PPDPFL: variants seen among roughly 807,000 people sequenced by gnomAD.
PPDPFL encodes the protein pancreatic progenitor cell differentiation and proliferation factor like, also known as pancreatic progenitor cell differentiation and proliferation factor-like protein.
A neutral mutation model predicts 12.6 loss-of-function variants in PPDPFL; 12 were observed. That is an observed-to-expected ratio of 0.95 (90% CI 0.61 to 1.54). The LOEUF (loss-of-function observed/expected upper bound fraction) is 1.54. Among genes scored for constraint, PPDPFL ranks in the 40% most tolerant of loss-of-function variants. PPDPFL has a pLI of 0.00. For missense variants in PPDPFL, 114 were observed against 96.0 expected (o/e 1.19, Z -0.78); for synonymous variants, 24 against 32.7 (o/e 0.73, Z 0.91).
intron 1 of PPDPFL, among the ~76,000 whole-genome samples, chr8:49,056,144 C>T (rs905585706): frequency 6.6e-6 from 1 of 152,186 alleles, no homozygotes; most frequent in Non-Finnish European, 1.5e-5. Context: ...CCTACTGCCT[C>T]TACAAGTAGG....
Position 49,075,430 on chromosome 8 carries a change from C to A in PPDPFL, c.*257C>A. 1 of 692,202 alleles carries A rather than the reference C, an allele frequency of 1.4e-6. No homozygotes were observed. The highest frequency in any genetic ancestry group is 2.5e-6 in the Non-Finnish European group (1 of 400,348). The allele number at this position is 692,202 out of a possible 1,614,324, so 42.9% of individuals were successfully genotyped here. ...AAAAAAGTTTAGGCATTTTTCTCAA[C>A]ACAAAGACTATCGCTGGAAGTGGCA... On this transcript the variant is annotated 3_prime_UTR_variant, in exon 5 of 5. Coordinates refer to ENST00000522267, the MANE Select transcript of PPDPFL (RefSeq NM_001256597.2).
At chr8:49,058,878 T>G (rs1391613634) in intron 1 of PPDPFL, among the ~76,000 whole-genome samples, 1 of 152,202 alleles carries the variant, frequency 6.6e-6, no homozygotes. Flanking sequence ...ATGCAAAGGT[T>G]CTTCTTTCTG....
intron 4 of PPDPFL, 67 bp from the exon 5 acceptor site, chr8:49,075,085 T>C (rs1808469221): frequency 7.0e-6 from 11 of 1,580,546 alleles, no homozygotes; most frequent in Non-Finnish European, 9.5e-6. Context: ...GTTTATTCAT[T>C]TGAATTATCT....
At chr8:49,071,899 T>G (rs1808397969), upstream of PPDPFL, among the ~76,000 whole-genome samples, 1 of 152,192 alleles carries the variant, frequency 6.6e-6, no homozygotes, top group African/African-American at 2.4e-5. Context: ...CCTAGAGTGC[T>G]TTCTTGCTCC....
rs758372292 is a variant in PPDPFL at position 49,072,789 on chromosome 8, T to G, written c.-42T>G. The G allele has an allele frequency of 2.0e-6, 3 of 1,518,996 alleles. No homozygotes were observed. Among genetic ancestry groups the G allele is most frequent in the Admixed American group, 2.1e-5 (1 of 47,604 alleles). The allele number at this position is 1,518,996 out of a possible 1,614,324, so 94.1% of individuals were successfully genotyped here. A position where few individuals can be genotyped will look rare whatever the true frequency, so the allele number is the denominator to read the frequency against. Reference sequence around the variant, plus strand: ...TCTTTTCTCTGTCGCTGTTTCAGATTAATGCTCACAGCTTCTTGGGTGCTT... The same window carrying G: ...TCTTTTCTCTGTCGCTGTTTCAGATGAATGCTCACAGCTTCTTGGGTGCTT... On this transcript the variant is annotated splice_region_variant and 5_prime_UTR_variant, in exon 2 of 5. The change creates a new upstream start codon in the 5' untranslated region. Transcript: ENST00000522267.
chr8:49,060,634 C>G (rs1436468910), intron 1 of PPDPFL, among the ~76,000 whole-genome samples: 1 of 151,826 alleles, frequency 6.6e-6, no homozygotes, highest in Non-Finnish European at 1.5e-5. Context: ...TTAATTCTGA[C>G]TAGGAAATTA....
At chr8:49,073,922 T>C in intron 2 of PPDPFL, 137 bp from the exon 3 acceptor site, 1 of 631,544 alleles carries the variant, frequency 1.6e-6, no homozygotes, top group Non-Finnish European at 2.8e-6. Context: ...ATTTGATCAG[T>C]TTTTCAATTC....
chr8:49,063,861 G>C (rs1435007523), intron 1 of PPDPFL, among the ~76,000 whole-genome samples: 1 of 152,184 alleles, frequency 6.6e-6, no homozygotes, highest in Non-Finnish European at 1.5e-5. Flanking sequence ...AGAAAATCAG[G>C]TGTCACAAGC....
rs1366253726 is a variant in PPDPFL at position 49,075,954 on chromosome 8, C to A, written c.*781C>A. The A allele has an allele frequency of 6.6e-6, 1 of 152,140 alleles. No individual in the cohort carries two copies. Among genetic ancestry groups the A allele is most frequent in the Non-Finnish European group, 1.5e-5 (1 of 68,022 alleles). The allele number at this position is 152,140 out of a possible 1,614,324, so 9.4% of individuals were successfully genotyped here. A position where few individuals can be genotyped will look rare whatever the true frequency, so the allele number is the denominator to read the frequency against. On this transcript the variant is annotated 3_prime_UTR_variant, in exon 5 of 5. Coordinates refer to ENST00000522267, the MANE Select transcript of PPDPFL (RefSeq NM_001256597.2). Reference sequence around the variant, plus strand: ...GACTGGAAGGAACTGTACCAAAATGCTGACAGGGCTATTTCTGGAGATGGG... The same window carrying A: ...GACTGGAAGGAACTGTACCAAAATGATGACAGGGCTATTTCTGGAGATGGG...
chr8:49,074,856 T>G, intron 4 of PPDPFL: 1 of 1,400,364 alleles, frequency 7.1e-7, no homozygotes, highest in Non-Finnish European at 9.3e-7. Context: ...TTATTTTGGA[T>G]TTTAGACATT....
rs536798685 is a variant in PPDPFL, at chr8:49,074,721, A to G, written c.233+388A>G. On this transcript the variant is annotated intron_variant, in intron 4 of 4. Transcript: ENST00000522267. Reference sequence around the variant, plus strand: ...CCTTAGGATAACACTGCTGATTTTGATTAGCTTCTGTGTGGTGCAAATTAC... The same window carrying G: ...CCTTAGGATAACACTGCTGATTTTGGTTAGCTTCTGTGTGGTGCAAATTAC... 283 of 1,457,680 alleles carry G rather than the reference A, an allele frequency of 1.9e-4. 2 individuals are homozygous for G. The African/African-American group carries it at 3.8e-3, about 20-fold the overall frequency. 90.3% of individuals were successfully genotyped at this position (1,457,680 alleles called of 1,614,324 possible). A position where few individuals can be genotyped will look rare whatever the true frequency, so the allele number is the denominator to read the frequency against.
intron 1 of PPDPFL, among the ~76,000 whole-genome samples, chr8:49,061,516 T>C (rs929189516): frequency 6.6e-6 from 1 of 152,176 alleles, no homozygotes; most frequent in Non-Finnish European, 1.5e-5. Context: ...GAAATTGGAA[T>C]GGTGCGATGG....
At chr8:49,061,960 C>A (rs1295118323) in intron 1 of PPDPFL, among the ~76,000 whole-genome samples, 1 of 152,186 alleles carries the variant, frequency 6.6e-6, no homozygotes, top group Non-Finnish European at 1.5e-5. Context: ...TGGCCAACTC[C>A]TTCGTTTTAA....
At chr8:49,058,504 G>T (rs1256005671) in intron 1 of PPDPFL, among the ~76,000 whole-genome samples, 1 of 152,186 alleles carries the variant, frequency 6.6e-6, no homozygotes. Context: ...AATCAATCTT[G>T]CTGTGCATAT....
At chr8:49,071,987 C>G (rs1343218950), upstream of PPDPFL, among the ~76,000 whole-genome samples, 2 of 152,220 alleles carry the variant, frequency 1.3e-5, no homozygotes, top group Non-Finnish European at 2.9e-5. Flanking sequence ...AGATAGCAGG[C>G]TGCTTGTACA....
chr8:49,068,995 G>A (rs1417898585), upstream of PPDPFL, among the ~76,000 whole-genome samples: 2 of 152,134 alleles, frequency 1.3e-5, no homozygotes, highest in African/African-American at 4.8e-5. Flanking sequence ...AGAGAGAACA[G>A]CAAGTTGAAA....
chr8:49,070,545 TAAAG>T (rs895884177), upstream of PPDPFL, among the ~76,000 whole-genome samples: 7 of 151,952 alleles, frequency 4.6e-5, no homozygotes, highest in African/African-American at 1.7e-4. Flanking sequence ...TAACAGAAAA[TAAAG>T]AAATACAAAA....
At chr8:49,073,350 T>C (rs912842265) in intron 2 of PPDPFL, among the ~76,000 whole-genome samples, 2 of 152,226 alleles carry the variant, frequency 1.3e-5, no homozygotes, top group South Asian at 2.1e-4. Context: ...TTCATATTCA[T>C]GGCCAAATAG....
At chr8:49,060,877 T>C (rs183670171) in intron 1 of PPDPFL, among the ~76,000 whole-genome samples, 30 of 152,268 alleles carry the variant, frequency 2.0e-4, no homozygotes, top group Admixed American at 3.9e-4. Flanking sequence ...TTATAATTGG[T>C]AAATTGTCTA....
Sources: gnomAD v4.1 joint callset for allele counts (sites outside exome capture counted in the v4.1 genomes callset) on GRCh38, gnomAD v4.1.1 for gene constraint, MANE v1.5 for transcripts, NCBI Gene and HGNC (gene_info 2026-07-23, HGNC 2026-07-21) for gene names.